TGFBR3: variants seen among roughly 807,000 people sequenced by gnomAD.
TGFBR3 encodes transforming growth factor beta receptor type 3.
In TGFBR3, 46 loss-of-function variants were observed where a neutral mutation model predicts 87.9. That is an observed-to-expected ratio of 0.52 (90% CI 0.41 to 0.67). The LOEUF (loss-of-function observed/expected upper bound fraction) is 0.67. Among genes scored for constraint, TGFBR3 ranks in the 30% least tolerant of loss-of-function variants. The pLI, the probability that TGFBR3 is intolerant of heterozygous loss-of-function variation, is 0.00. For synonymous variants in TGFBR3, 381 were observed against 391.6 expected, an observed-to-expected ratio of 0.97 and a Z score of 0.32; for missense variants, 866 against 1,041.9, an observed-to-expected ratio of 0.83 and a Z score of 2.32.
chr1:91,704,786 G>A (rs1177671610), intron 14 of TGFBR3, among the ~76,000 whole-genome samples: 5 of 152,206 alleles, frequency 3.3e-5, no homozygotes, highest in African/African-American at 1.2e-4. Context: ...GCAAAGATGT[G>A]CTCAGGAAGG....
intron 4 of TGFBR3, among the ~76,000 whole-genome samples, chr1:91,736,221 C>T (rs1304280053): frequency 2.1e-5 from 3 of 144,706 alleles, no homozygotes; most frequent in Admixed American, 1.4e-4. Context: ...TCCTGATGCC[C>T]GGGCCACACA....
At chr1:91,874,883 G>A (rs1416759222) in intron 1 of TGFBR3, among the ~76,000 whole-genome samples, 1 of 152,144 alleles carries the variant, frequency 6.6e-6, no homozygotes, top group Non-Finnish European at 1.5e-5. Context: ...CTGCAGAGGG[G>A]CAAGAAGAGA....
chr1:91,835,328 A>G (rs1354529217), intron 2 of TGFBR3, among the ~76,000 whole-genome samples: 1 of 152,210 alleles, frequency 6.6e-6, no homozygotes, highest in Non-Finnish European at 1.5e-5. Flanking sequence ...TGTTAGACAA[A>G]AATTCTATGT....
chr1:91,691,269 C>G (rs115786420), intron 16 of TGFBR3, among the ~76,000 whole-genome samples: 17 of 152,160 alleles, frequency 1.1e-4, no homozygotes, highest in African/African-American at 4.1e-4. Flanking sequence ...AATCTCAGTA[C>G]TGAAAGATAT....
intron 1 of TGFBR3, among the ~76,000 whole-genome samples, chr1:91,881,896 G>A (rs1360518720): frequency 2.0e-5 from 3 of 151,672 alleles, no homozygotes; most frequent in Non-Finnish European, 2.9e-5. Context: ...AAAATTAGTC[G>A]GGCGTGGTGG....
chr1:91,822,315 A>T (rs915949749), intron 2 of TGFBR3, among the ~76,000 whole-genome samples: 16 of 151,426 alleles, frequency 1.1e-4, no homozygotes, highest in African/African-American at 2.9e-4. Context: ...AAAAAAAAAA[A>T]AAAAAAAAGA....
chr1:91,693,503 C>G (rs879758411), intron 16 of TGFBR3, among the ~76,000 whole-genome samples: 2 of 152,186 alleles, frequency 1.3e-5, no homozygotes, highest in Non-Finnish European at 2.9e-5. Flanking sequence ...CATGCCATAC[C>G]ACCAAGTTTT....
chr1:91,886,698 A>G (rs1010816782), upstream of TGFBR3, among the ~76,000 whole-genome samples: 3 of 149,420 alleles, frequency 2.0e-5, no homozygotes, highest in East Asian at 3.9e-4. Context: ...CTTTTTCCCA[A>G]CCTCCGGTCC....
In TGFBR3 at chr1:91,716,386, G is replaced by T; in HGVS notation, c.1716C>A (p.Cys572Ter). The T allele has an allele frequency of 6.2e-7, 1 of 1,614,164 alleles. No homozygotes were observed. The highest frequency in any genetic ancestry group is 8.5e-7 in the Non-Finnish European group (1 of 1,180,024). ...TGGGGTTCCTCACCTGCTGAAGGCTGCAATTAAACTGGAAATAACAACCCA... is the reference window on the plus strand; with the variant it reads ...TGGGGTTCCTCACCTGCTGAAGGCTTCAATTAAACTGGAAATAACAACCCA... ...FTRPEIVVFN[C>*]SLQQVRNPSS... The change falls in exon 12 of 17, where the codon TGC (cysteine) becomes TGA (stop). Residue 572 changes from cysteine (C) to a stop codon, truncating the protein, a stop_gained. Transcript: ENST00000212355. LOFTEE classifies it high-confidence loss of function.
At chr1:91,747,276 G>A (rs550306696) in intron 4 of TGFBR3, among the ~76,000 whole-genome samples, 4 of 152,346 alleles carry the variant, frequency 2.6e-5, no homozygotes, top group African/African-American at 9.6e-5. Flanking sequence ...GTGTCTTAGG[G>A]CAAGCTTTCT....
intron 2 of TGFBR3, among the ~76,000 whole-genome samples, chr1:91,894,977 A>G (rs1027784924): frequency 1.3e-5 from 2 of 152,094 alleles, no homozygotes; most frequent in African/African-American, 4.8e-5. Flanking sequence ...TCACCATGTT[A>G]GCCAGGATGG....
chr1:91,843,856 A>C (rs1677379238), intron 2 of TGFBR3, among the ~76,000 whole-genome samples: 1 of 152,198 alleles, frequency 6.6e-6, no homozygotes, highest in Non-Finnish European at 1.5e-5. Flanking sequence ...TCCCTAAATA[A>C]AGGTGCAGCA....
chr1:91,721,916 G>T, intron 8 of TGFBR3, 39 bp downstream of exon 8: 6 of 1,582,004 alleles, frequency 3.8e-6, no homozygotes, highest in Non-Finnish European at 5.2e-6. Flanking sequence ...CTTCATTTGG[G>T]GGGTATTTTT....
At chr1:91,791,897 C>T (rs898220942) in intron 3 of TGFBR3, among the ~76,000 whole-genome samples, 9 of 152,214 alleles carry the variant, frequency 5.9e-5, no homozygotes, top group East Asian at 1.9e-4. Flanking sequence ...TTCACCACTA[C>T]GGCTGCTAGT....
chr1:91,729,700 C>A lies in TGFBR3; in HGVS notation c.737+105G>T, dbSNP rs898929316. 7 of 1,359,046 alleles carry A rather than the reference C, an allele frequency of 5.2e-6. No individual in the cohort carries two copies. The African/African-American group carries it at 5.7e-5, about 11-fold the overall frequency. 84.2% of individuals were successfully genotyped at this position (1,359,046 alleles called of 1,614,324 possible). ...GAAGCATCAATGGCTCCCTTCCCTC[C>A]TGCGTAGGGGAGGGTGTAGGACGGG... On this transcript the variant is annotated intron_variant, in intron 6 of 16. Transcript: ENST00000212355.
At chr1:91,900,439 G>A (rs1679687548) in intron 1 of TGFBR3, among the ~76,000 whole-genome samples, 1 of 152,220 alleles carries the variant, frequency 6.6e-6, no homozygotes, top group Admixed American at 6.5e-5. Flanking sequence ...AATCTAAGTT[G>A]TTAGCTGTTA....
chr1:91,860,724 G>A (rs2101189382), intron 2 of TGFBR3, among the ~76,000 whole-genome samples: 1 of 152,076 alleles, frequency 6.6e-6, no homozygotes, highest in Non-Finnish European at 1.5e-5. Context: ...CTGAGGTCAG[G>A]AGTTCAAGAC....
At chr1:91,844,158 T>C (rs575178550) in intron 2 of TGFBR3, among the ~76,000 whole-genome samples, 1 of 152,316 alleles carries the variant, frequency 6.6e-6, no homozygotes, top group Admixed American at 6.5e-5. Flanking sequence ...TTAAAGAACA[T>C]ATCTCACAGT....
At chr1:91,903,637 T>C (rs1679780527) in intron 1 of TGFBR3, among the ~76,000 whole-genome samples, 3 of 151,846 alleles carry the variant, frequency 2.0e-5, no homozygotes, top group Admixed American at 2.0e-4. Flanking sequence ...CTTGGGAGGC[T>C]GAGGTGAGAG....
Sources: gnomAD v4.1 joint callset for allele counts (sites outside exome capture counted in the v4.1 genomes callset) on GRCh38, gnomAD v4.1.1 for gene constraint, MANE v1.5 for transcripts, NCBI Gene and HGNC (gene_info 2026-07-23, HGNC 2026-07-21) for gene names.